The following RERE variants were observed in gnomAD, a reference collection of about 807,000 sequenced individuals.
RERE encodes arginine-glutamic acid dipeptide repeats.
A neutral mutation model predicts 146.1 loss-of-function variants in RERE; 40 were observed. That is an observed-to-expected ratio of 0.27 (90% CI 0.21 to 0.36). RERE has a LOEUF of 0.36. RERE is among the 10% of genes least tolerant of loss of function. RERE has a pLI of 1.00. For synonymous variants in RERE, 1,003 were observed against 866.0 expected (o/e 1.16, Z -2.78); for missense variants, 1,933 against 2,138.7 (o/e 0.90, Z 1.90).
intron 4 of RERE, among the ~76,000 whole-genome samples, chr1:8,591,512 C>T (rs748331046): frequency 2.0e-5 from 3 of 152,004 alleles, no homozygotes; most frequent in Non-Finnish European, 2.9e-5. Flanking sequence ...ATGCAAAATG[C>T]AAACTGTCTA....
At chr1:8,789,282 C>CAAAAAAAAAAAAAAAAAA (rs58993452) in intron 1 of RERE, among the ~76,000 whole-genome samples, 2 of 38,496 alleles carry the variant, frequency 5.2e-5, no homozygotes, top group East Asian at 3.5e-4. Context: ...TCCTCTCTAC[C>CAAAAAAAAAAAAAAAAAA]AAAAAAAAAA....
intron 1 of RERE, among the ~76,000 whole-genome samples, chr1:8,706,355 A>G (rs1478941423): frequency 2.0e-5 from 3 of 152,300 alleles, no homozygotes; most frequent in South Asian, 2.1e-4. Context: ...AAGATATAAA[A>G]TAATTGTGCC....
At chr1:8,463,556 A>G (rs1644553444) in intron 11 of RERE, among the ~76,000 whole-genome samples, 1 of 152,204 alleles carries the variant, frequency 6.6e-6, no homozygotes, top group Admixed American at 6.5e-5. Context: ...AGGAAAAGGA[A>G]AGCAGCTTTC....
intron 7 of RERE, among the ~76,000 whole-genome samples, chr1:8,540,555 G>A (rs1473240689): frequency 2.6e-5 from 4 of 152,170 alleles, no homozygotes; most frequent in Admixed American, 6.5e-5. Context: ...TACAGGGCAA[G>A]TATGAATATA....
intron 7 of RERE, among the ~76,000 whole-genome samples, chr1:8,510,032 G>T (rs1645311996): frequency 6.6e-6 from 1 of 151,904 alleles, no homozygotes. Context: ...TGTGACAAAG[G>T]AAGAAAAAAA....
At chr1:8,534,022 T>C (rs1336676225) in intron 7 of RERE, among the ~76,000 whole-genome samples, 3 of 152,198 alleles carry the variant, frequency 2.0e-5, no homozygotes, top group Non-Finnish European at 4.4e-5. Context: ...AGAATTCAAA[T>C]GTGATGGCAG....
chr1:8,446,697 T>TA (rs1010688937), intron 11 of RERE, among the ~76,000 whole-genome samples: 2 of 152,260 alleles, frequency 1.3e-5, no homozygotes, highest in South Asian at 2.1e-4. Flanking sequence ...TTCTTTTTTT[T>TA]AGAGTCTCGC....
chr1:8,438,473 A>G (rs1644200596), intron 11 of RERE, among the ~76,000 whole-genome samples: 1 of 152,256 alleles, frequency 6.6e-6, no homozygotes, highest in Non-Finnish European at 1.5e-5. Context: ...GGTTCACAGC[A>G]AAACGGAACA....
At chr1:8,612,030 A>T (rs1277273717) in intron 4 of RERE, among the ~76,000 whole-genome samples, 2 of 152,230 alleles carry the variant, frequency 1.3e-5, no homozygotes, top group African/African-American at 4.8e-5. Context: ...AAATGAACAG[A>T]TAAGTTAAAA....
intron 11 of RERE, among the ~76,000 whole-genome samples, chr1:8,438,541 A>G (rs576976667): frequency 6.6e-6 from 1 of 152,314 alleles, no homozygotes; most frequent in South Asian, 2.1e-4. Context: ...TAATTTTGAA[A>G]AATAGGGAAA....
At chr1:8,726,908 C>T (rs1255575101) in intron 1 of RERE, among the ~76,000 whole-genome samples, 1 of 151,958 alleles carries the variant, frequency 6.6e-6, no homozygotes, top group Non-Finnish European at 1.5e-5. Flanking sequence ...TGAGTTCAAG[C>T]AATTCCCCTA....
intron 12 of RERE, chr1:8,381,111 T>G (rs1229304825): frequency 7.2e-6 from 3 of 417,876 alleles, no homozygotes; most frequent in Non-Finnish European, 1.5e-5. Flanking sequence ...CACACTTTAC[T>G]GACCCATAGG....
intron 4 of RERE, among the ~76,000 whole-genome samples, chr1:8,560,702 A>G (rs1429455954): frequency 6.6e-6 from 1 of 152,220 alleles, no homozygotes; most frequent in Non-Finnish European, 1.5e-5. Context: ...TGTTTCCTCT[A>G]TTGGTAGGTG....
chr1:8,533,981 C>T (rs1645691171), intron 7 of RERE, among the ~76,000 whole-genome samples: 1 of 152,188 alleles, frequency 6.6e-6, no homozygotes, highest in East Asian at 1.9e-4. Context: ...CAACCATCTC[C>T]AATATTTTCC....
intron 1 of RERE, among the ~76,000 whole-genome samples, chr1:8,774,441 C>A (rs1270527227): frequency 6.6e-6 from 1 of 150,798 alleles, no homozygotes; most frequent in Admixed American, 6.6e-5. Flanking sequence ...CCAACCTCCG[C>A]CTCCTGGGTT....
At chr1:8,601,676 TC>T (rs1646630306) in intron 4 of RERE, among the ~76,000 whole-genome samples, 1 of 27,092 alleles carries the variant, frequency 3.7e-5, no homozygotes, top group Non-Finnish European at 7.8e-5. Flanking sequence ...ACACACATCT[TC>T]CTTCCATGAT....
chr1:8,514,415 G>A (rs1249866373), intron 7 of RERE, among the ~76,000 whole-genome samples: 2 of 152,196 alleles, frequency 1.3e-5, no homozygotes, highest in South Asian at 4.1e-4. Flanking sequence ...TTTAAGTCGG[G>A]AAGCCAAGTC....
At chr1:8,397,689 G>T (rs1182092852) in intron 12 of RERE, among the ~76,000 whole-genome samples, 1 of 151,780 alleles carries the variant, frequency 6.6e-6, no homozygotes, top group South Asian at 2.1e-4. Flanking sequence ...TAAGCCTTGA[G>T]GATCCACGCG....
chr1:8,620,697 A>C (rs1646906235), intron 3 of RERE, among the ~76,000 whole-genome samples: 1 of 152,028 alleles, frequency 6.6e-6, no homozygotes, highest in African/African-American at 2.4e-5. Context: ...TCAGAAATCT[A>C]CAGTGCGAAG....
Sources: allele counts gnomAD v4.1 joint callset (sites outside exome capture counted in the v4.1 genomes callset), GRCh38; gene constraint gnomAD v4.1.1; transcripts MANE v1.5; gene names NCBI Gene and HGNC (gene_info 2026-07-23, HGNC 2026-07-21).